PPHLN1: variants seen among roughly 807,000 people sequenced by gnomAD.
PPHLN1 encodes periphilin 1.
Under a neutral mutation model 51.3 loss-of-function variants are expected in PPHLN1, and 29 were observed. The observed-to-expected ratio is 0.57, with a 90% CI of 0.42 to 0.77. The LOEUF (loss-of-function observed/expected upper bound fraction) is 0.77. Among genes scored for constraint, PPHLN1 ranks in the 30% least tolerant of loss-of-function variants. The pLI is 0.00. For synonymous variants in PPHLN1, 147 were observed against 147.8 expected (o/e 0.99, Z 0.04); for missense variants, 436 against 438.4 (o/e 0.99, Z 0.05).
intron 9 of PPHLN1, among the ~76,000 whole-genome samples, chr12:42,418,204 C>T (rs1212182946): frequency 1.2e-4 from 15 of 128,512 alleles, no homozygotes; most frequent in Middle Eastern, 3.8e-3. Flanking sequence ...CCACTGCTCC[C>T]GGCCCTCTTT....
downstream of PPHLN1, chr12:42,446,142 G>A (rs1452205479): frequency 1.4e-5 from 23 of 1,587,972 alleles, no homozygotes; most frequent in East Asian, 2.3e-5. Context: ...CAGCTTCGTC[G>A]GACGACAGGA....
In PPHLN1 at chr12:42,335,687, G is replaced by GTTTT. The variant is rs10648343; in HGVS notation, c.-20-180_-20-177dup. Among the ~76,000 whole-genome samples the GTTTT allele has an allele frequency of 1.4e-4, 16 of 113,718 alleles. 1 individual carries two copies. Among genetic ancestry groups the GTTTT allele is most frequent in the East Asian group, 5.5e-4 (2 of 3,658 alleles). The allele number at this position is 113,718 out of a possible 152,430, so 74.6% of individuals were successfully genotyped here. On this transcript the variant is annotated intron_variant, in intron 1 of 9. Coordinates refer to ENST00000358314, the MANE Select transcript of PPHLN1 (RefSeq NM_201439.2). Reference sequence around the variant, plus strand: ...TAAGAAGGAAGATAGGGCTTTCCGTGTTTTTTTTTTTTTTTTTTTAAAGAA... The same window carrying GTTTT: ...TAAGAAGGAAGATAGGGCTTTCCGTGTTTTTTTTTTTTTTTTTTTTTTTAAAGAA...
intron 2 of PPHLN1, among the ~76,000 whole-genome samples, chr12:42,345,809 T>G (rs1172450013): frequency 6.6e-6 from 1 of 152,044 alleles, no homozygotes; most frequent in Admixed American, 6.5e-5. Flanking sequence ...CTGTTAACCT[T>G]TTAAGATAGT....
intron 9 of PPHLN1, among the ~76,000 whole-genome samples, chr12:42,404,648 ACTT>A (rs1380044433): frequency 6.6e-6 from 1 of 152,112 alleles, no homozygotes; most frequent in African/African-American, 2.4e-5. Flanking sequence ...TTACCTCTTC[ACTT>A]CTTTTGTTTT....
At chr12:42,446,537 A>G (rs1216115080), downstream of PPHLN1, 4 of 1,589,826 alleles carry the variant, frequency 2.5e-6, no homozygotes, top group African/African-American at 4.1e-5. Context: ...TCTTAGTTAG[A>G]AAAGAATATT....
chr12:42,425,494 C>T (rs2081377012), intron 9 of PPHLN1, among the ~76,000 whole-genome samples: 3 of 152,074 alleles, frequency 2.0e-5, no homozygotes, highest in East Asian at 3.9e-4. Flanking sequence ...TCAAGCAGTT[C>T]TCCTCCCTCA....
chr12:42,431,057 TAATA>T (rs1230070458), intron 9 of PPHLN1, among the ~76,000 whole-genome samples: 1 of 152,200 alleles, frequency 6.6e-6, no homozygotes, highest in Non-Finnish European at 1.5e-5. Flanking sequence ...CTGTACACTT[TAATA>T]AATAAACCAA....
intron 4 of PPHLN1, among the ~76,000 whole-genome samples, chr12:42,371,381 A>G (rs1415801943): frequency 6.6e-6 from 1 of 151,946 alleles, no homozygotes; most frequent in Non-Finnish European, 1.5e-5. Context: ...GCCTCCCAAA[A>G]TTCTGGGATT....
At chr12:42,363,849 C>G (rs1015712342) in intron 4 of PPHLN1, among the ~76,000 whole-genome samples, 4 of 152,166 alleles carry the variant, frequency 2.6e-5, no homozygotes, top group Non-Finnish European at 2.9e-5. Context: ...AAGAAACATG[C>G]TATACTCTAC....
chr12:42,337,716 G>GAGT (rs1364529491), intron 2 of PPHLN1, among the ~76,000 whole-genome samples: 1 of 151,554 alleles, frequency 6.6e-6, no homozygotes, highest in South Asian at 2.1e-4. Flanking sequence ...TCAGCCTCCT[G>GAGT]AGTAGCTAGG....
chr12:42,371,300 G>A (rs1235205326), intron 4 of PPHLN1, among the ~76,000 whole-genome samples: 1 of 151,600 alleles, frequency 6.6e-6, no homozygotes, highest in Non-Finnish European at 1.5e-5. Flanking sequence ...TTAATTTTTT[G>A]TAGAGACAGG....
intron 7 of PPHLN1, among the ~76,000 whole-genome samples, chr12:42,392,484 A>G (rs1314582559): frequency 6.6e-6 from 1 of 152,222 alleles, no homozygotes; most frequent in Non-Finnish European, 1.5e-5. Context: ...ACTTTAGAGA[A>G]GTAAAGCTTA....
chr12:42,399,158 G>A (rs955558453), intron 9 of PPHLN1, 164 bp downstream of exon 9: 10 of 1,400,840 alleles, frequency 7.1e-6, no homozygotes, highest in Non-Finnish European at 9.3e-6. Context: ...CAGTCAGTTT[G>A]ATCAGTATGG....
intron 2 of PPHLN1, chr12:42,343,691 A>C (rs558346169): frequency 1.0e-3 from 274 of 268,980 alleles, no homozygotes; most frequent in Non-Finnish European, 1.4e-3. Flanking sequence ...AGTTGCCCTA[A>C]GAGGTGTTTT....
chr12:42,446,495 T>G (rs1007745959), downstream of PPHLN1: 3 of 1,471,464 alleles, frequency 2.0e-6, no homozygotes, highest in Non-Finnish European at 2.8e-6. Context: ...AAAAAATCTC[T>G]CCTAGAAAGA....
At chr12:42,336,063 C>T in intron 2 of PPHLN1, 89 bp downstream of exon 2, 1 of 785,068 alleles carries the variant, frequency 1.3e-6, no homozygotes. Context: ...ACAAAATCTT[C>T]AAGTGTCAGA....
At chr12:42,329,634 G>T (rs1289066811) in intron 1 of PPHLN1, among the ~76,000 whole-genome samples, 3 of 151,808 alleles carry the variant, frequency 2.0e-5, no homozygotes, top group African/African-American at 7.3e-5. Context: ...TACTAGTGAG[G>T]GACTAATGTG....
At chr12:42,341,431 C>A (rs1177156609) in intron 2 of PPHLN1, among the ~76,000 whole-genome samples, 1 of 152,028 alleles carries the variant, frequency 6.6e-6, no homozygotes, top group Non-Finnish European at 1.5e-5. Context: ...AGTATGACCT[C>A]GTTAATAAAA....
At chr12:42,420,052 CAAAAAATAGAGTACAGA>C (rs1051524767) in intron 9 of PPHLN1, among the ~76,000 whole-genome samples, 7 of 152,014 alleles carry the variant, frequency 4.6e-5, no homozygotes, top group Admixed American at 4.6e-4. Flanking sequence ...TCTTTGCCAT[CAAAAAATAGAGTACAGA>C]ATGCAGCTGC....
Sources: allele counts gnomAD v4.1 joint callset (sites outside exome capture counted in the v4.1 genomes callset), GRCh38; gene constraint gnomAD v4.1.1; transcripts MANE v1.5; gene names NCBI Gene and HGNC (gene_info 2026-07-23, HGNC 2026-07-21).